Variants in SIM1 observed in about 807,000 individuals in gnomAD.
SIM1 encodes the protein single-minded homolog 1.
In SIM1, 18 loss-of-function variants were observed where a neutral mutation model predicts 78.2. That is an observed-to-expected ratio of 0.23 (90% CI 0.16 to 0.34). The LOEUF (loss-of-function observed/expected upper bound fraction) is 0.34, where lower values mean the gene tolerates loss of function less well. Ranked by LOEUF, SIM1 falls within the 10% of genes least tolerant of loss-of-function variation. The probability of loss-of-function intolerance (pLI) is 1.00; values close to 1 mark genes in which losing one functional copy is unlikely to be tolerated. For synonymous variants in SIM1, 417 were observed against 385.2 expected (o/e 1.08, Z -0.97); for missense variants, 939 against 975.1 (o/e 0.96, Z 0.49).
chr6:100,410,051 C>T lies in SIM1; in HGVS notation c.1167+10739G>A, dbSNP rs529270666. Among the ~76,000 whole-genome samples the T allele has an allele frequency of 3.2e-4, 48 of 152,134 alleles. 1 individual carries two copies. The highest frequency in any genetic ancestry group is 1.0e-3 in the African/African-American group (42 of 41,502). ...CAAAGCAATTCCATGCACTATAATACGCCAAGAGAGTTTCCTAAAAAATCT... is the reference window on the plus strand; with the variant it reads ...CAAAGCAATTCCATGCACTATAATATGCCAAGAGAGTTTCCTAAAAAATCT... On this transcript the variant is annotated intron_variant, in intron 10 of 11. Transcript: ENST00000369208.
intron 10 of SIM1, among the ~76,000 whole-genome samples, chr6:100,419,485 T>C (rs1002789059): frequency 1.3e-5 from 2 of 152,224 alleles, no homozygotes; most frequent in African/African-American, 2.4e-5. Flanking sequence ...TATACACTTA[T>C]AGATATCAAC....
Position 100,449,594 on chromosome 6 carries a change from G to C in SIM1, c.454C>G (p.Gln152Glu), listed in dbSNP as rs140908824. 2.9e-4 allele frequency: 461 copies of C among 1,612,886 alleles called. No homozygotes were observed. The highest frequency in any genetic ancestry group is 3.7e-4 in the Non-Finnish European group (431 of 1,179,008). ...CGCAGGCATGTGTCTACCTTACCCT[G>C]CACGAAGTGAGAGTGGTAGGGTTGA... The part of the protein sequence containing the change: ...AHQPYHSHFV[Q>E]EYEIERSFFL... The change falls in exon 5 of 12, where the codon CAG (glutamine) becomes GAG (glutamate). Residue 152 changes from glutamine (Q) to glutamate (E), a missense_variant. By Grantham distance (29) the Gln-to-Glu change is conservative. Around this residue, in one of 5 missense-constraint regions of SIM1, gnomAD observed 187 missense variants for 191.6 expected, o/e 0.98. Coordinates refer to ENST00000369208, the MANE Select transcript of SIM1 (RefSeq NM_005068.3).
chr6:100,463,402 G>A lies in SIM1; in HGVS notation c.67C>T (p.Leu23=). Residue 23 remains leucine (L), a synonymous_variant, in exon 2 of 12, where the codon CTG becomes TTG. Coordinates refer to ENST00000369208, the MANE Select transcript of SIM1 (RefSeq NM_005068.3). The part of the protein sequence containing the change: ...REKENSEFYE[L]AKLLPLPSAI... The stretch of plus-strand genomic sequence containing the variant: ...GAGGGCAAAGGCAGTAATTTAGCCA[G>A]TTCATAAAATTCACTGTTTTCCTTC... 4 of 1,614,042 alleles carry A rather than the reference G, an allele frequency of 2.5e-6. No individual in the cohort carries two copies. The highest frequency in any genetic ancestry group is 3.4e-6 in the Non-Finnish European group (4 of 1,179,920).
At chr6:100,444,639 C>T (rs1471992460) in intron 9 of SIM1, among the ~76,000 whole-genome samples, 3 of 152,234 alleles carry the variant, frequency 2.0e-5, no homozygotes, top group African/African-American at 7.2e-5. Flanking sequence ...AGGCGTATAC[C>T]ACCTGCCTCT....
chr6:100,409,198 C>T (rs181481513), intron 10 of SIM1, among the ~76,000 whole-genome samples: 23 of 152,146 alleles, frequency 1.5e-4, no homozygotes, highest in Middle Eastern at 6.8e-3. Flanking sequence ...TGGTGTGCTG[C>T]ACCCATTAAC....
At chr6:100,415,726 A>G (rs951957870) in intron 10 of SIM1, among the ~76,000 whole-genome samples, 10 of 152,212 alleles carry the variant, frequency 6.6e-5, no homozygotes, top group African/African-American at 2.4e-4. Context: ...CATCTCGGAC[A>G]AACACCGCCA....
At chr6:100,413,898 T>C (rs1771329959) in intron 10 of SIM1, among the ~76,000 whole-genome samples, 1 of 152,232 alleles carries the variant, frequency 6.6e-6, no homozygotes, top group Admixed American at 6.5e-5. Flanking sequence ...TTTACCCTTC[T>C]GCACACTGTC....
At chr6:100,454,850 G>A (rs1178278652) in intron 2 of SIM1, among the ~76,000 whole-genome samples, 1 of 152,136 alleles carries the variant, frequency 6.6e-6, no homozygotes. Flanking sequence ...AAAAACTTTC[G>A]AAGACCTGTG....
intron 3 of SIM1, among the ~76,000 whole-genome samples, chr6:100,452,485 C>A (rs1194606322): frequency 6.6e-6 from 1 of 152,072 alleles, no homozygotes; most frequent in Non-Finnish European, 1.5e-5. Flanking sequence ...TGTGGTGAAG[C>A]CAGTGAAGAG....
intron 8 of SIM1, 46 bp from the exon 9 acceptor site, chr6:100,447,461 G>A (rs369073839): frequency 5.9e-5 from 95 of 1,611,730 alleles, no homozygotes; most frequent in Non-Finnish European, 7.9e-5. Context: ...AGCCTGCCTG[G>A]GACTGGCCCC....
chr6:100,437,596 A>G (rs1772090219), intron 9 of SIM1: 1 of 152,108 alleles, frequency 6.6e-6, no homozygotes, highest in African/African-American at 2.4e-5. Flanking sequence ...AAACATATTT[A>G]TTACTAAAGC....
At position 100,413,721 on chromosome 6, in the gene SIM1, C is replaced by G. The variant is rs77306630; in HGVS notation, c.1167+7069G>C. ...GTAAACAAACAAAAAGGTATACAATCCTATGTCTGATTCCATGTACCTACT... is the reference window on the plus strand; with the variant it reads ...GTAAACAAACAAAAAGGTATACAATGCTATGTCTGATTCCATGTACCTACT... On this transcript the variant is annotated intron_variant, in intron 10 of 11. Transcript: ENST00000369208. 6.5e-3 allele frequency among the ~76,000 whole-genome samples: 989 copies of G among 152,272 alleles called. 9 individuals carry two copies. Among genetic ancestry groups the G allele is most frequent in the African/African-American group, 0.022 (913 of 41,552 alleles).
At chr6:100,446,713 C>T (rs749528782) in intron 9 of SIM1, among the ~76,000 whole-genome samples, 2 of 152,212 alleles carry the variant, frequency 1.3e-5, no homozygotes, top group African/African-American at 2.4e-5. Context: ...TGGGCGCCGG[C>T]CAAGACTTGC....
intron 10 of SIM1, among the ~76,000 whole-genome samples, chr6:100,420,189 G>A (rs1771535871): frequency 6.6e-6 from 1 of 152,098 alleles, no homozygotes; most frequent in Admixed American, 6.5e-5. Flanking sequence ...CCAAGAACCA[G>A]GAATCCTATT....
At position 100,390,556 on chromosome 6, in the gene SIM1, G is replaced by A. The variant is rs771291883; in HGVS notation, c.2106C>T (p.His702=). 2 of 1,614,068 alleles carry A rather than the reference G, an allele frequency of 1.2e-6. No individual in the cohort carries two copies. The highest frequency in any genetic ancestry group is 1.3e-5 in the African/African-American group (1 of 74,934). The stretch of plus-strand genomic sequence containing the variant: ...AAGCATGCTTGTCAAAATACTGCCG[G>A]TGAGAGCCAAAGCAGTTTGGAGAGA... The part of the protein sequence containing the change: ...PTVSPNCFGS[H]RQYFDKHAYT... Residue 702 remains histidine, a synonymous_variant, in exon 12 of 12, where the codon CAC becomes CAT. Coordinates refer to ENST00000369208, the MANE Select transcript of SIM1 (RefSeq NM_005068.3).
chr6:100,448,158 C>T lies in SIM1; in HGVS notation c.838G>A (p.Ala280Thr), dbSNP rs1371947558. Reference sequence around the variant, plus strand: ...GGTGGCGCCTTACGCAAATGGTGCGCGCAGCGCAGGTGGAAGGTGTCGCAG... The same window carrying T: ...GGTGGCGCCTTACGCAAATGGTGCGTGCAGCGCAGGTGGAAGGTGTCGCAG... ...HGCDTFHLRC[A>T]HHLLLVKGQV... is the part of the protein sequence containing the mutation. Residue 280 changes from alanine to threonine, a missense_variant, in exon 8 of 12, where the codon GCG (alanine) becomes ACG (threonine). Transcript: ENST00000369208. 6.2e-7 allele frequency: 1 copy of T among 1,612,924 alleles called. No individual in the cohort carries two copies. Among genetic ancestry groups the T allele is most frequent in the Non-Finnish European group, 8.5e-7 (1 of 1,179,606 alleles).
intron 10 of SIM1, among the ~76,000 whole-genome samples, chr6:100,403,425 T>C (rs1392726783): frequency 2.0e-5 from 3 of 152,252 alleles, no homozygotes; most frequent in African/African-American, 4.8e-5. Context: ...ATGCACCCAA[T>C]GGGATCTATT....
intron 10 of SIM1, among the ~76,000 whole-genome samples, chr6:100,403,841 A>G (rs1770988438): frequency 6.6e-6 from 1 of 152,168 alleles, no homozygotes; most frequent in African/African-American, 2.4e-5. Flanking sequence ...AAATGCTAAC[A>G]ACATCTTAAA....
At chr6:100,394,261 C>T (rs965223042) in intron 10 of SIM1, among the ~76,000 whole-genome samples, 1 of 152,160 alleles carries the variant, frequency 6.6e-6, no homozygotes, top group East Asian at 1.9e-4. Flanking sequence ...GAGAAGCTAA[C>T]GCTCAGAGAG....
Sources: gnomAD v4.1 joint callset for allele counts (sites outside exome capture counted in the v4.1 genomes callset) on GRCh38, gnomAD v4.1.1 for gene constraint, gnomAD v4.1.1 regional missense constraint, MANE v1.5 for transcripts, NCBI Gene and HGNC (gene_info 2026-07-23, HGNC 2026-07-21) for gene names.